The following NIN variants were observed in gnomAD, a reference collection of about 807,000 sequenced individuals.
NIN encodes the protein ninein.
NIN carries 137 observed loss-of-function variants against 257.6 expected under a neutral mutation model. That is an observed-to-expected ratio of 0.53 (90% confidence interval 0.46 to 0.61). The LOEUF (loss-of-function observed/expected upper bound fraction) is 0.61. Among genes scored for constraint, NIN ranks in the 20% least tolerant of loss-of-function variants. The pLI, the probability that NIN is intolerant of heterozygous loss-of-function variation, is 0.00. For synonymous variants in NIN, 918 were observed against 919.8 expected (o/e 1.00, Z 0.04); for missense variants, 2,439 against 2,501.2 (o/e 0.98, Z 0.53).
chr14:50,753,604 A>G (rs2041894532), intron 20 of NIN, among the ~76,000 whole-genome samples: 1 of 152,148 alleles, frequency 6.6e-6, no homozygotes, highest in Non-Finnish European at 1.5e-5. Context: ...AGTATTTTGT[A>G]TTTAGAATTA....
intron 27 of NIN, among the ~76,000 whole-genome samples, chr14:50,737,357 C>T (rs780556845): frequency 7.9e-5 from 12 of 152,182 alleles, no homozygotes; most frequent in Non-Finnish European, 1.2e-4. Flanking sequence ...CCCAGTGAAG[C>T]GTTCGGGTAA....
chr14:50,737,163 GCTTCTGT>G (rs370917759), intron 27 of NIN, among the ~76,000 whole-genome samples: 1 of 152,172 alleles, frequency 6.6e-6, no homozygotes, highest in African/African-American at 2.4e-5. Flanking sequence ...AGGGACCACA[GCTTCTGT>G]CTTGGTCTTT....
intron 2 of NIN, among the ~76,000 whole-genome samples, chr14:50,829,957 A>G (rs1271574328): frequency 1.3e-5 from 2 of 152,100 alleles, no homozygotes; most frequent in African/African-American, 2.4e-5. Flanking sequence ...CAATAACCAA[A>G]TGTCATTTTG....
chr14:50,763,986 T>C, intron 14 of NIN, 22 bp from the exon 15 acceptor site: 2 of 1,596,032 alleles, frequency 1.3e-6, no homozygotes, highest in Non-Finnish European at 1.7e-6. Flanking sequence ...AAACCAACAC[T>C]GGTCTTAGAT....
At chr14:50,829,510 G>A (rs2142595034) in intron 2 of NIN, among the ~76,000 whole-genome samples, 1 of 152,268 alleles carries the variant, frequency 6.6e-6, no homozygotes, top group Non-Finnish European at 1.5e-5. Context: ...GACTTTATCA[G>A]GATTCTCATC....
chr14:50,808,549 G>GT (rs2142227920), intron 3 of NIN, among the ~76,000 whole-genome samples: 1 of 152,284 alleles, frequency 6.6e-6, no homozygotes, highest in South Asian at 2.1e-4. Flanking sequence ...CCAAGCCCTA[G>GT]TTTGTCTGTC....
At chr14:50,743,982 C>T (rs958061731) in intron 23 of NIN, among the ~76,000 whole-genome samples, 31 of 152,136 alleles carry the variant, frequency 2.0e-4, no homozygotes, top group African/African-American at 6.5e-4. Context: ...AACAAAATAG[C>T]GGTATAAAGT....
chr14:50,810,245 A>G (rs1223698243), intron 3 of NIN, among the ~76,000 whole-genome samples: 3 of 151,894 alleles, frequency 2.0e-5, no homozygotes, highest in Non-Finnish European at 4.4e-5. Context: ...AAAAAAAAAA[A>G]AAAGAAAATG....
intron 29 of NIN, chr14:50,727,474 T>A (rs985393386): frequency 3.4e-6 from 4 of 1,187,220 alleles, no homozygotes; most frequent in Non-Finnish European, 4.2e-6. Context: ...CAAGCTGATG[T>A]TTGTGAATTT....
chr14:50,728,826 A>G (rs201386001), intron 29 of NIN, among the ~76,000 whole-genome samples: 1 of 152,266 alleles, frequency 6.6e-6, no homozygotes, highest in East Asian at 1.9e-4. Context: ...AGCTGGGATC[A>G]TGCTAATGCA....
intron 4 of NIN, among the ~76,000 whole-genome samples, chr14:50,803,998 C>T (rs2044212642): frequency 6.6e-6 from 1 of 150,828 alleles, no homozygotes; most frequent in Non-Finnish European, 1.5e-5. Context: ...TGGATTCAAA[C>T]AATTCTCCTG....
intron 16 of NIN, 138 bp from the exon 17 acceptor site, chr14:50,760,497 A>G (rs375778642): frequency 4.3e-6 from 4 of 934,420 alleles, no homozygotes; most frequent in East Asian, 2.6e-5. Context: ...CTTGTTTTAA[A>G]GTAACTGAAT....
chr14:50,823,295 C>T (rs752421653), intron 2 of NIN: 1 of 567,830 alleles, frequency 1.8e-6, no homozygotes, highest in South Asian at 1.4e-5. Context: ...GGGACGGTGA[C>T]CTCAGCCATC....
At chr14:50,752,847 T>A (rs1595771643) in intron 20 of NIN, 114 bp from the exon 21 acceptor site, 1 of 539,248 alleles carries the variant, frequency 1.9e-6, no homozygotes, top group Non-Finnish European at 3.1e-6. Context: ...AAGTTTAAAA[T>A]ATATATATAT....
At chr14:50,825,933 T>C (rs2045437020) in intron 2 of NIN, among the ~76,000 whole-genome samples, 1 of 152,196 alleles carries the variant, frequency 6.6e-6, no homozygotes, top group Non-Finnish European at 1.5e-5. Flanking sequence ...AGAATACACA[T>C]TCCCTTTTTT....
At chr14:50,792,666 G>T in intron 5 of NIN, 46 bp downstream of exon 5, 1 of 1,607,946 alleles carries the variant, frequency 6.2e-7, no homozygotes, top group Non-Finnish European at 8.5e-7. Context: ...CTGACGTGGG[G>T]CTCCACACTC....
At chr14:50,813,655 T>C (rs1456880781) in intron 3 of NIN, among the ~76,000 whole-genome samples, 1 of 151,986 alleles carries the variant, frequency 6.6e-6, no homozygotes. Context: ...TAACAGGAAG[T>C]GGAATAAGGA....
intron 12 of NIN, among the ~76,000 whole-genome samples, chr14:50,768,279 A>G (rs2141759449): frequency 6.6e-6 from 1 of 152,322 alleles, no homozygotes; most frequent in South Asian, 2.1e-4. Flanking sequence ...AAAAAATACT[A>G]CCTTCCCCTA....
At position 50,732,736 on chromosome 14, in the gene NIN, G is replaced by GT. The variant is rs572015870; in HGVS notation, c.5877+2779dup. 2.9e-4 allele frequency among the ~76,000 whole-genome samples: 44 copies of GT among 151,112 alleles called. 1 individual carries two copies. In the South Asian group the frequency reaches 4.4e-3, roughly 15 times the overall value. ...TTTTGTTTGTTTTTTTGTTTTTTGG[G>GT]TTTTTTTTTGAGACGGAGTCTTGCT... is the stretch of plus-strand genomic sequence containing the variant. On this transcript the variant is annotated intron_variant, in intron 28 of 30. Transcript: ENST00000530997.
Sources: allele counts gnomAD v4.1 joint callset (sites outside exome capture counted in the v4.1 genomes callset), GRCh38; gene constraint gnomAD v4.1.1; transcripts MANE v1.5; gene names NCBI Gene and HGNC (gene_info 2026-07-23, HGNC 2026-07-21).